Variants in PPM1E observed in about 807,000 individuals in gnomAD.
PPM1E encodes the protein protein phosphatase, Mg2+/Mn2+ dependent 1E.
Under a neutral mutation model 65.9 loss-of-function variants are expected in PPM1E, and 20 were observed. That is an observed-to-expected ratio of 0.30 (90% CI 0.21 to 0.44). PPM1E has a LOEUF of 0.44. PPM1E is among the 20% of genes least tolerant of loss of function. The probability of loss-of-function intolerance (pLI) is 1.00; values close to 1 mark genes in which losing one functional copy is unlikely to be tolerated. For missense variants in PPM1E, 713 were observed against 953.1 expected, an observed-to-expected ratio of 0.75 and a Z score of 3.32; for synonymous variants, 352 against 374.9, an observed-to-expected ratio of 0.94 and a Z score of 0.70.
chr17:58,909,781 G>A (rs9901655), intron 1 of PPM1E, among the ~76,000 whole-genome samples: 48,315 of 151,600 alleles, frequency 0.32, 8,601 homozygotes, highest in Middle Eastern at 0.5. Flanking sequence ...CCTAGGTACA[G>A]GGTTTTTGTT....
intron 1 of PPM1E, among the ~76,000 whole-genome samples, chr17:58,793,421 T>C (rs923830124): frequency 8.6e-5 from 13 of 152,026 alleles, no homozygotes; most frequent in African/African-American, 2.7e-4. Flanking sequence ...AGTGGCGCGA[T>C]CTCGGCTCAC....
intron 1 of PPM1E, among the ~76,000 whole-genome samples, chr17:58,873,674 G>A (rs2051097731): frequency 1.3e-5 from 2 of 151,004 alleles, no homozygotes; most frequent in African/African-American, 4.9e-5. Flanking sequence ...GCTCACTGCA[G>A]CCTTGATCTC....
chr17:58,978,393 T>C (rs1295911497), intron 6 of PPM1E, among the ~76,000 whole-genome samples: 1 of 152,132 alleles, frequency 6.6e-6, no homozygotes. Flanking sequence ...CTGTGTGTGG[T>C]TTTGTTTTTA....
chr17:58,837,336 C>CATACACAT (rs1457528132), intron 1 of PPM1E, among the ~76,000 whole-genome samples: 1 of 146,402 alleles, frequency 6.8e-6, no homozygotes, highest in African/African-American at 2.5e-5. Flanking sequence ...CACACATACA[C>CATACACAT]ACACACACAC....
At position 58,954,695 on chromosome 17, in the gene PPM1E, T is replaced by G. The variant is rs554498409; in HGVS notation, c.465-954T>G. On this transcript the variant is annotated intron_variant, in intron 1 of 6. Transcript: ENST00000308249. ...GAGTTTGAGATCAGCCTGGCCAACATAGTAAAACCCCATCTCTACTAAACA... is the reference window on the plus strand; with the variant it reads ...GAGTTTGAGATCAGCCTGGCCAACAGAGTAAAACCCCATCTCTACTAAACA... 2.5e-4 allele frequency among the ~76,000 whole-genome samples: 38 copies of G among 151,986 alleles called. No homozygotes were observed. The East Asian group carries it at 6.4e-3, about 26-fold the overall frequency.
rs369418677 is a variant in PPM1E, at chr17:58,767,014, G to A, written c.464+10553G>A. 1.6e-4 allele frequency among the ~76,000 whole-genome samples: 24 copies of A among 152,200 alleles called. No homozygotes were observed. The East Asian group carries it at 4.2e-3, about 27-fold the overall frequency. ...TGTTTCAAAACAAAAACAGTTTTGT[G>A]TCTAATAAAAACCCTTTGCCCAGGA... On this transcript the variant is annotated intron_variant, in intron 1 of 6. Coordinates refer to ENST00000308249, the MANE Select transcript of PPM1E (RefSeq NM_014906.5).
chr17:58,799,123 A>AT (rs2050235290), intron 1 of PPM1E, among the ~76,000 whole-genome samples: 1 of 152,184 alleles, frequency 6.6e-6, no homozygotes, highest in Non-Finnish European at 1.5e-5. Context: ...TTCTGGCGCT[A>AT]TTTGTTGAAA....
chr17:58,912,124 A>T (rs540646365), intron 1 of PPM1E, among the ~76,000 whole-genome samples: 2 of 152,236 alleles, frequency 1.3e-5, no homozygotes, highest in African/African-American at 4.8e-5. Context: ...TAAACACACG[A>T]TTTGCAAGGG....
At chr17:58,931,065 T>TAAAAAAAAAAAAA (rs2051888312) in intron 1 of PPM1E, among the ~76,000 whole-genome samples, 1 of 60,588 alleles carries the variant, frequency 1.7e-5, no homozygotes, top group African/African-American at 6.8e-5. Flanking sequence ...AATACAAAAA[T>TAAAAAAAAAAAAA]TAAAAAAAAA....
chr17:58,771,129 A>G (rs1388398839), intron 1 of PPM1E, among the ~76,000 whole-genome samples: 1 of 151,914 alleles, frequency 6.6e-6, no homozygotes, highest in Non-Finnish European at 1.5e-5. Context: ...TGCTGGGATT[A>G]CAGGCGTGAG....
chr17:58,764,624 T>A (rs2049855703), intron 1 of PPM1E, among the ~76,000 whole-genome samples: 1 of 152,120 alleles, frequency 6.6e-6, no homozygotes, highest in African/African-American at 2.4e-5. Context: ...TTGGTTTGTT[T>A]TTTTTGTTTT....
At chr17:58,862,060 T>C (rs1005369742) in intron 1 of PPM1E, among the ~76,000 whole-genome samples, 5 of 152,248 alleles carry the variant, frequency 3.3e-5, no homozygotes, top group Admixed American at 3.3e-4. Context: ...ATTACAGTTT[T>C]TAATTAGCTG....
intron 1 of PPM1E, among the ~76,000 whole-genome samples, chr17:58,925,965 C>T (rs547220749): frequency 1.3e-5 from 2 of 152,210 alleles, no homozygotes; most frequent in Admixed American, 6.5e-5. Context: ...GTATGGATGT[C>T]CTAGTTTCTC....
intron 2 of PPM1E, among the ~76,000 whole-genome samples, chr17:58,965,282 G>A (rs999846469): frequency 2.6e-5 from 4 of 152,052 alleles, no homozygotes; most frequent in African/African-American, 9.7e-5. Flanking sequence ...ATTGGACTAC[G>A]GAAGCAGTGT....
chr17:58,910,238 C>A (rs780928910), intron 1 of PPM1E, among the ~76,000 whole-genome samples: 4 of 151,938 alleles, frequency 2.6e-5, no homozygotes, highest in Non-Finnish European at 5.9e-5. Context: ...TATTGTATAT[C>A]CTCAAGCTTA....
rs188048156 is a variant in PPM1E, at chr17:58,885,744, G to A, written c.465-69905G>A. Among the ~76,000 whole-genome samples the A allele has an allele frequency of 2.3e-3, 354 of 152,220 alleles. 1 individual carries two copies. Among genetic ancestry groups the A allele is most frequent in the Admixed American group, 5.4e-3 (82 of 15,288 alleles). On this transcript the variant is annotated intron_variant, in intron 1 of 6. Coordinates refer to ENST00000308249, the MANE Select transcript of PPM1E (RefSeq NM_014906.5). ...AAATCCATTTGTTTTCTATCTATCT[G>A]TCCTACGTCTACTCTATTTTGCCTA...
rs118086586 is a variant in PPM1E, at chr17:58,793,819, T to C, written c.464+37358T>C. The stretch of plus-strand genomic sequence containing the variant: ...ATCCACATCGATAAGTAGAATTTAA[T>C]ACTTCTATATAAACTGTGTATATAC... On this transcript the variant is annotated intron_variant, in intron 1 of 6. Transcript: ENST00000308249. Among the ~76,000 whole-genome samples the C allele has an allele frequency of 5.4e-3, 829 of 152,262 alleles. 4 individuals carry two copies. The highest frequency in any genetic ancestry group is 0.02 in the South Asian group (95 of 4,830).
intron 1 of PPM1E, among the ~76,000 whole-genome samples, chr17:58,825,659 C>G (rs2050528607): frequency 6.6e-6 from 1 of 152,038 alleles, no homozygotes; most frequent in Non-Finnish European, 1.5e-5. Context: ...TGGGTTCAAG[C>G]CCAGCCTCAG....
In PPM1E at chr17:58,786,521, C is replaced by T. The variant is rs13342308; in HGVS notation, c.464+30060C>T. Among the ~76,000 whole-genome samples, 142 of 152,306 alleles carry T rather than the reference C, an allele frequency of 9.3e-4. 1 individual carries two copies. The highest frequency in any genetic ancestry group is 3.3e-3 in the African/African-American group (139 of 41,568). On this transcript the variant is annotated intron_variant, in intron 1 of 6. Transcript: ENST00000308249. Reference sequence around the variant, plus strand: ...GCTGGTAGCATGCACAGCATAGATACACTGGACAAAGGGATGATTCATGTC... The same window carrying T: ...GCTGGTAGCATGCACAGCATAGATATACTGGACAAAGGGATGATTCATGTC...
Sources: allele counts gnomAD v4.1 joint callset (sites outside exome capture counted in the v4.1 genomes callset), GRCh38; gene constraint gnomAD v4.1.1; transcripts MANE v1.5; gene names NCBI Gene and HGNC (gene_info 2026-07-23, HGNC 2026-07-21).